Variants in CA1 observed in about 807,000 individuals in gnomAD.
CA1 encodes carbonic anhydrase 1, also known as carbonate dehydratase I.
CA1 carries 27 observed loss-of-function variants against 28.8 expected under a neutral mutation model. The ratio of observed to expected loss-of-function variants is 0.94; its 90% CI spans 0.69 to 1.29. The LOEUF (loss-of-function observed/expected upper bound fraction) is 1.29. Among genes scored for constraint, CA1 ranks in the 50% most tolerant of loss-of-function variants. CA1 has a pLI of 0.00. For synonymous variants in CA1, 121 were observed against 108.8 expected, an observed-to-expected ratio of 1.11 and a Z score of -0.70; for missense variants, 335 against 310.5, an observed-to-expected ratio of 1.08 and a Z score of -0.59.
chr8:85,370,615 CAG>C (rs144401713), intron 1 of CA1, among the ~76,000 whole-genome samples: 2,628 of 152,118 alleles, frequency 0.017, 85 homozygotes, highest in African/African-American at 0.06. Flanking sequence ...TTTTTATTTA[CAG>C]AGAGTAAATA....
chr8:85,361,602 A>C (rs1809798752), intron 1 of CA1, among the ~76,000 whole-genome samples: 2 of 152,092 alleles, frequency 1.3e-5, no homozygotes, highest in Non-Finnish European at 2.9e-5. Flanking sequence ...ACTTGAACCC[A>C]GGGGGTGGAG....
intron 4 of CA1, among the ~76,000 whole-genome samples, chr8:85,336,379 T>C (rs545653153): frequency 6.6e-6 from 1 of 152,338 alleles, no homozygotes; most frequent in Admixed American, 6.5e-5. Context: ...GGTGTACATG[T>C]CTCCATTTTT....
At chr8:85,353,132 C>T (rs986965126) in intron 1 of CA1, among the ~76,000 whole-genome samples, 3 of 152,100 alleles carry the variant, frequency 2.0e-5, no homozygotes, top group Non-Finnish European at 4.4e-5. Flanking sequence ...CTGGCTTAAG[C>T]GGGAGAAAAG....
intron 1 of CA1, 37 bp from the exon 2 acceptor site, chr8:85,341,696 A>C (rs1808940770): frequency 2.7e-6 from 3 of 1,120,866 alleles, no homozygotes; most frequent in South Asian, 1.2e-5. Context: ...AACTAACTGC[A>C]ACTGTGCATG....
chr8:85,364,000 TTTTTA>T (rs1352563792), intron 1 of CA1, among the ~76,000 whole-genome samples: 3 of 152,130 alleles, frequency 2.0e-5, no homozygotes, highest in East Asian at 1.9e-4. Flanking sequence ...TTTCTTTTCT[TTTTTA>T]TTTTATTTTT....
Position 85,328,432 on chromosome 8 carries a change from ATTGAT to A in CA1, c.*123_*127del. On this transcript the variant is annotated 3_prime_UTR_variant, in exon 8 of 8. Transcript: ENST00000523022. ...AAATTTAAGTTTCTTAGTTTTACAGATTGATTTGAAGGCATGCTGTCTTGCTAATA... is the reference window on the plus strand; with the variant it reads ...AAATTTAAGTTTCTTAGTTTTACAGATTGAAGGCATGCTGTCTTGCTAATA... 1 of 598,432 alleles carries A rather than the reference ATTGAT, an allele frequency of 1.7e-6. No homozygotes were observed. Among genetic ancestry groups the A allele is most frequent in the Non-Finnish European group, 3.0e-6 (1 of 334,954 alleles). The allele number at this position is 598,432 out of a possible 1,614,324, so 37.1% of individuals were successfully genotyped here.
intron 1 of CA1, among the ~76,000 whole-genome samples, chr8:85,366,697 G>A (rs1236590650): frequency 6.6e-6 from 1 of 152,120 alleles, no homozygotes; most frequent in East Asian, 1.9e-4. Context: ...TATAAGAGCA[G>A]GCATTTCAAA....
rs1808331095 is a variant in CA1 at position 85,329,858 on chromosome 8, A to G, written c.514-14T>C. 3 of 1,564,590 alleles carry G rather than the reference A, an allele frequency of 1.9e-6. No homozygotes were observed. Among genetic ancestry groups the G allele is most frequent in the Admixed American group, 1.8e-5 (1 of 55,368 alleles). Reference sequence around the variant, plus strand: ...GGCTCGTTTGCCCTGGAAGAAAAGAATACATCATTACAGCATGATATAAAA... The same window carrying G: ...GGCTCGTTTGCCCTGGAAGAAAAGAGTACATCATTACAGCATGATATAAAA... On this transcript the variant is annotated splice_polypyrimidine_tract_variant and intron_variant, in intron 6 of 7. Coordinates refer to ENST00000523022, the MANE Select transcript of CA1 (RefSeq NM_001128831.4).
chr8:85,350,122 C>A (rs1260009294), intron 1 of CA1, among the ~76,000 whole-genome samples: 2 of 152,026 alleles, frequency 1.3e-5, no homozygotes, highest in Non-Finnish European at 2.9e-5. Flanking sequence ...TCAAGTTGCT[C>A]CAGGCAAATG....
intron 1 of CA1, among the ~76,000 whole-genome samples, chr8:85,362,219 C>G (rs1324305061): frequency 1.3e-5 from 2 of 152,212 alleles, no homozygotes; most frequent in African/African-American, 2.4e-5. Context: ...CTCCTCTTTT[C>G]TTCCTCCTTC....
intron 1 of CA1, among the ~76,000 whole-genome samples, chr8:85,351,117 C>T (rs1293048181): frequency 1.3e-5 from 2 of 152,108 alleles, no homozygotes; most frequent in Non-Finnish European, 2.9e-5. Context: ...GTTTCTAGTC[C>T]TCCCCCAACT....
chr8:85,366,165 CTTTTTT>C (rs11395706), intron 1 of CA1, among the ~76,000 whole-genome samples: 13 of 128,282 alleles, frequency 1.0e-4, no homozygotes, highest in Non-Finnish European at 1.6e-5. Context: ...CTTTCTTCCC[CTTTTTT>C]TTTTTTTTTT....
chr8:85,374,539 A>C lies in CA1; in HGVS notation c.-25+3507T>G, dbSNP rs192276803. Among the ~76,000 whole-genome samples the C allele has an allele frequency of 1.6e-4, 24 of 152,310 alleles. No individual in the cohort carries two copies. The East Asian group carries it at 3.1e-3, about 20-fold the overall frequency. On this transcript the variant is annotated intron_variant, in intron 1 of 7. Coordinates refer to ENST00000523022, the MANE Select transcript of CA1 (RefSeq NM_001128831.4). Reference sequence around the variant, plus strand: ...TTTTGTAACATATGATGTGGTTTTAATCGTACGTAAGACATTATCAGATAC... The same window carrying C: ...TTTTGTAACATATGATGTGGTTTTACTCGTACGTAAGACATTATCAGATAC...
In CA1 at chr8:85,368,513, G is replaced by A. The variant is rs570418037; in HGVS notation, c.-25+9533C>T. ...CTACCTGTGTTTAGTTGTGGTACAT[G>A]TTGCTTTAACAATATGGAGGTGTTT... On this transcript the variant is annotated intron_variant, in intron 1 of 7. Transcript: ENST00000523022. Among the ~76,000 whole-genome samples, 3 of 151,728 alleles carry A rather than the reference G, an allele frequency of 2.0e-5. No homozygotes were observed. The East Asian group carries it at 5.8e-4, about 29-fold the overall frequency.
At chr8:85,333,759 T>G in intron 4 of CA1, 139 bp from the exon 5 acceptor site, 2 of 644,792 alleles carry the variant, frequency 3.1e-6, no homozygotes, top group Admixed American at 2.1e-5. Context: ...TCCAGTGGAT[T>G]AGAAGAGTTA....
In CA1 at chr8:85,332,897, A is replaced by G. The variant is rs142398977; in HGVS notation, c.451-345T>C. On this transcript the variant is annotated intron_variant, in intron 5 of 7. Coordinates refer to ENST00000523022, the MANE Select transcript of CA1 (RefSeq NM_001128831.4). ...GTCTGTTATATTAGTTTTCATTACT[A>G]CAGTATTTGGCATATTGTAAGTGCT... Among the ~76,000 whole-genome samples, 976 of 152,308 alleles carry G rather than the reference A, an allele frequency of 6.4e-3. 6 individuals are homozygous for G. Among genetic ancestry groups the G allele is most frequent in the Non-Finnish European group, 8.6e-3 (587 of 68,014 alleles).
At chr8:85,365,681 A>G (rs1809977493) in intron 1 of CA1, among the ~76,000 whole-genome samples, 1 of 152,192 alleles carries the variant, frequency 6.6e-6, no homozygotes. Context: ...CTTCACCTTC[A>G]ATATAGCCTG....
chr8:85,362,239 T>C (rs1809826487), intron 1 of CA1, among the ~76,000 whole-genome samples: 1 of 152,208 alleles, frequency 6.6e-6, no homozygotes, highest in Non-Finnish European at 1.5e-5. Flanking sequence ...CTTATAAGAA[T>C]CTTTGTGATT....
In CA1 at chr8:85,329,734, T is replaced by C. The variant is rs756046420; in HGVS notation, c.624A>G (p.Val208=). 1 of 1,609,292 alleles carries C rather than the reference T, an allele frequency of 6.2e-7. No homozygotes were observed. Among genetic ancestry groups the C allele is most frequent in the African/African-American group, 1.3e-5 (1 of 74,950 alleles). Residue 208 remains valine, a synonymous_variant, in exon 7 of 8, where the codon GTA becomes GTG. Transcript: ENST00000523022. The part of the protein sequence containing the change: ...SLTHPPLYES[V]TWIICKESIS... ...TGCTCTCCTTACAGATGATCCAAGT[T>C]ACACTCTCATAAAGAGGAGGATGAG... is the stretch of plus-strand genomic sequence containing the variant.
Sources: allele counts gnomAD v4.1 joint callset (sites outside exome capture counted in the v4.1 genomes callset), GRCh38; gene constraint gnomAD v4.1.1; transcripts MANE v1.5; gene names NCBI Gene and HGNC (gene_info 2026-07-23, HGNC 2026-07-21).